Variants in BROX observed in about 807,000 individuals in gnomAD.
The protein encoded by BROX is BRO1 domain and CAAX motif containing.
A neutral mutation model predicts 61.0 loss-of-function variants in BROX; 53 were observed. That is an observed-to-expected ratio of 0.87 (90% CI 0.70 to 1.09). BROX has a LOEUF of 1.09. Ranked by LOEUF, BROX falls within the 50% of genes least tolerant of loss-of-function variation. The pLI is 0.00. For synonymous variants in BROX, 152 were observed against 160.2 expected (o/e 0.95, Z 0.38); for missense variants, 489 against 472.0 (o/e 1.04, Z -0.33).
Position 222,727,235 on chromosome 1 carries a change from A to AGT in BROX, c.649_650insTG (p.Ala217ValfsTer29). On this transcript the variant is annotated frameshift_variant, in exon 8 of 13. Transcript: ENST00000340934. LOFTEE classifies it high-confidence loss of function. ...TAATTGCTGCACTGGCGTATGAAAC[A>AGT]GCCAATTTCTATCAAAAAGCTGGTA... 2 of 1,612,526 alleles carry AGT rather than the reference A, an allele frequency of 1.2e-6. No individual in the cohort carries two copies. The highest frequency in any genetic ancestry group is 1.7e-6 in the Non-Finnish European group (2 of 1,178,912).
intron 5 of BROX, among the ~76,000 whole-genome samples, chr1:222,723,779 A>C (rs984427948): frequency 1.3e-5 from 2 of 151,984 alleles, no homozygotes; most frequent in African/African-American, 2.4e-5. Flanking sequence ...CCTGGGTTCA[A>C]GTGATTTTCG....
chr1:222,729,335 T>C (rs1657762925), intron 9 of BROX, among the ~76,000 whole-genome samples: 1 of 152,234 alleles, frequency 6.6e-6, no homozygotes, highest in Non-Finnish European at 1.5e-5. Context: ...CTTCTTCCTA[T>C]GCATTAGCAC....
In BROX at chr1:222,734,797, A is replaced by G. The variant is rs1658180311; in HGVS notation, c.*2083A>G. The G allele has an allele frequency of 6.6e-6, 1 of 152,106 alleles. No individual in the cohort carries two copies. Among genetic ancestry groups the G allele is most frequent in the Admixed American group, 6.6e-5 (1 of 15,262 alleles). The allele number at this position is 152,106 out of a possible 1,614,324, so 9.4% of individuals were successfully genotyped here. A position where few individuals can be genotyped will look rare whatever the true frequency, so the allele number is the denominator to read the frequency against. On this transcript the variant is annotated 3_prime_UTR_variant, in exon 13 of 13. Coordinates refer to ENST00000340934, the MANE Select transcript of BROX (RefSeq NM_144695.4). ...TTGTGCTTATTAATCTACTTACTAAATTTTCACATTGACATTTTTGGGGAT... is the reference window on the plus strand; with the variant it reads ...TTGTGCTTATTAATCTACTTACTAAGTTTTCACATTGACATTTTTGGGGAT...
intron 6 of BROX, among the ~76,000 whole-genome samples, chr1:222,724,642 G>A (rs1657364674): frequency 6.6e-6 from 1 of 152,166 alleles, no homozygotes; most frequent in Non-Finnish European, 1.5e-5. Flanking sequence ...AAAGAATATT[G>A]TGTCTTTTAA....
At position 222,712,722 on chromosome 1, in the gene BROX, GC is replaced by G; in HGVS notation, c.-236del. The G allele has an allele frequency of 7.7e-7, 1 of 1,291,052 alleles. No homozygotes were observed. Among genetic ancestry groups the G allele is most frequent in the Non-Finnish European group, 1.0e-6 (1 of 990,018 alleles). 80.0% of individuals were successfully genotyped at this position (1,291,052 alleles called of 1,614,324 possible). A position where few individuals can be genotyped will look rare whatever the true frequency, so the allele number is the denominator to read the frequency against. On this transcript the variant is annotated 5_prime_UTR_variant, in exon 1 of 13. Transcript: ENST00000340934. ...ATGAACGAAGCGTTTTGAGGGGACT[GC>G]AACGCCGCGGCAATACCCGCCCCTG...
chr1:222,720,640 T>C (rs1211749253), intron 4 of BROX, among the ~76,000 whole-genome samples: 1 of 151,982 alleles, frequency 6.6e-6, no homozygotes, highest in South Asian at 2.1e-4. Context: ...GGTAAAACAC[T>C]GTCTCTACTA....
chr1:222,727,247 T>C lies in BROX; in HGVS notation c.660T>C (p.Tyr220=), dbSNP rs756758948. The C allele has an allele frequency of 6.2e-7, 1 of 1,609,972 alleles. No individual in the cohort carries two copies. The highest frequency in any genetic ancestry group is 8.5e-7 in the Non-Finnish European group (1 of 1,176,726). Residue 220 remains tyrosine, a synonymous_variant, in exon 8 of 13, where the codon TAT becomes TAC. Transcript: ENST00000340934. The stretch of plus-strand genomic sequence containing the variant: ...TGGCGTATGAAACAGCCAATTTCTA[T>C]CAAAAAGCTGGTAAGCTTCTAATTC... ...AALAYETANF[Y]QKADHTLSSL... is the part of the protein sequence containing the mutation.
At chr1:222,715,937 T>G in intron 2 of BROX, 137 bp downstream of exon 2, 1 of 568,402 alleles carries the variant, frequency 1.8e-6, no homozygotes, top group Non-Finnish European at 3.1e-6. Context: ...TCATAGATTA[T>G]TTAAATTTGG....
At chr1:222,716,264 C>A (rs1168857408) in intron 2 of BROX, among the ~76,000 whole-genome samples, 2 of 151,844 alleles carry the variant, frequency 1.3e-5, no homozygotes, top group African/African-American at 4.8e-5. Flanking sequence ...ACGCCCTGGT[C>A]ATTTTTGTAT....
In BROX at chr1:222,735,120, T is replaced by G. The variant is rs1658199497; in HGVS notation, c.*2406T>G. 6.6e-6 allele frequency: 1 copy of G among 152,254 alleles called. No homozygotes were observed. Among genetic ancestry groups the G allele is most frequent in the Non-Finnish European group, 1.5e-5 (1 of 68,038 alleles). The allele number at this position is 152,254 out of a possible 1,614,324, so 9.4% of individuals were successfully genotyped here. A position where few individuals can be genotyped will look rare whatever the true frequency, so the allele number is the denominator to read the frequency against. On this transcript the variant is annotated 3_prime_UTR_variant, in exon 13 of 13. Coordinates refer to ENST00000340934, the MANE Select transcript of BROX (RefSeq NM_144695.4). The stretch of plus-strand genomic sequence containing the variant: ...TACTAGGCAGTGACAACTAACATGT[T>G]ACTTCAACTAAAAGTGTATAATGGG...
At position 222,734,394 on chromosome 1, in the gene BROX, A is replaced by T. The variant is rs1322985541; in HGVS notation, c.*1680A>T. On this transcript the variant is annotated 3_prime_UTR_variant, in exon 13 of 13. Transcript: ENST00000340934. ...TTTCATTATGAAAAATGAATAGATT[A>T]TGCCTATCTGAATCAATATTGCATT... 1 of 152,234 alleles carries T rather than the reference A, an allele frequency of 6.6e-6. No homozygotes were observed. The highest frequency in any genetic ancestry group is 1.5e-5 in the Non-Finnish European group (1 of 68,032). The allele number at this position is 152,234 out of a possible 1,614,324, so 9.4% of individuals were successfully genotyped here. A position where few individuals can be genotyped will look rare whatever the true frequency, so the allele number is the denominator to read the frequency against.
chr1:222,723,009 G>T (rs952537928), intron 5 of BROX, among the ~76,000 whole-genome samples: 8 of 152,156 alleles, frequency 5.3e-5, no homozygotes, highest in African/African-American at 1.9e-4. Context: ...ATTATAAAAG[G>T]TGATACAATT....
intron 1 of BROX, chr1:222,713,397 A>C: frequency 1.0e-6 from 1 of 982,440 alleles, no homozygotes; most frequent in Non-Finnish European, 1.2e-6. Flanking sequence ...GGGCGCTCAG[A>C]GCTCGGGGGC....
chr1:222,722,874 CTT>C (rs912903999), intron 5 of BROX, among the ~76,000 whole-genome samples: 2 of 152,262 alleles, frequency 1.3e-5, no homozygotes, highest in Non-Finnish European at 1.5e-5. Context: ...AACGTATACT[CTT>C]ATAAATCAGC....
chr1:222,720,384 A>C (rs535421426), intron 4 of BROX, among the ~76,000 whole-genome samples: 24 of 152,272 alleles, frequency 1.6e-4, no homozygotes, highest in Admixed American at 8.5e-4. Context: ...TTTAATCCAA[A>C]ATTAAGCAAT....
chr1:222,715,714 T>G lies in BROX; in HGVS notation c.15T>G (p.Phe5Leu), dbSNP rs749838169. 2.0e-6 allele frequency: 3 copies of G among 1,524,040 alleles called. No individual in the cohort carries two copies. The highest frequency in any genetic ancestry group is 1.8e-6 in the Non-Finnish European group (2 of 1,134,376). 94.4% of individuals were successfully genotyped at this position (1,524,040 alleles called of 1,614,324 possible). A position where few individuals can be genotyped will look rare whatever the true frequency, so the allele number is the denominator to read the frequency against. Residue 5 changes from phenylalanine to leucine, a missense_variant, in exon 2 of 13, where the codon TTT (phenylalanine) becomes TTG (leucine). Phe to Leu is a conservative substitution (Grantham distance 22, BLOSUM62 0). Transcript: ENST00000340934. MTHW[F>L]HRNPLKATAP... ...ATCTGGAGAAAATGACCCATTGGTT[T>G]CATAGGAACCCATTAAAAGCCACAG...
chr1:222,730,597 T>C (rs1657861852), intron 11 of BROX, among the ~76,000 whole-genome samples: 1 of 152,196 alleles, frequency 6.6e-6, no homozygotes, highest in Admixed American at 6.5e-5. Flanking sequence ...CTGTCTCAAA[T>C]ATATATAGTA....
At chr1:222,717,025 C>G (rs1443781091) in intron 2 of BROX, among the ~76,000 whole-genome samples, 1 of 152,126 alleles carries the variant, frequency 6.6e-6, no homozygotes, top group African/African-American at 2.4e-5. Context: ...AGAGTTGCCG[C>G]TTTTATGGGA....
chr1:222,727,378 ATATTT>A (rs1177022979), intron 8 of BROX, 121 bp downstream of exon 8: 6 of 716,960 alleles, frequency 8.4e-6, no homozygotes, highest in Non-Finnish European at 1.2e-5. Context: ...AACTGGAGTA[ATATTT>A]TATTTATTGC....
Sources: gnomAD v4.1 joint callset for allele counts (sites outside exome capture counted in the v4.1 genomes callset) on GRCh38, gnomAD v4.1.1 for gene constraint, MANE v1.5 for transcripts, NCBI Gene and HGNC (gene_info 2026-07-23, HGNC 2026-07-21) for gene names.